GTPBP6: variants seen among roughly 807,000 people sequenced by gnomAD.
GTPBP6 encodes the protein GTP binding protein 6.
A neutral mutation model predicts 28.9 loss-of-function variants in GTPBP6; 33 were observed. That is an observed-to-expected ratio of 1.14 (90% CI 0.87 to 1.53). The LOEUF is 1.53. Among genes scored for constraint, GTPBP6 ranks in the 40% most tolerant of loss-of-function variants. The pLI, the probability that GTPBP6 is intolerant of heterozygous loss-of-function variation, is 0.00. For missense variants in GTPBP6, 507 were observed against 408.3 expected, an observed-to-expected ratio of 1.24 and a Z score of -2.08; for synonymous variants, 231 against 192.7, an observed-to-expected ratio of 1.20 and a Z score of -1.65.
intron 7 of GTPBP6, 29 bp downstream of exon 7, chrX:311,389 GC>G (rs756732081): frequency 8.4e-5 from 130 of 1,542,748 alleles, no homozygotes; most frequent in Non-Finnish European, 9.8e-5. Flanking sequence ...GGGTGTCCGA[GC>G]ACCCGATCCC....
rs1233201215 is a variant in GTPBP6, at chrX:314,491, T to TG, written c.690-275_690-274insC. Among the ~76,000 whole-genome samples the TG allele has an allele frequency of 9.4e-4, 141 of 149,960 alleles. 1 individual carries two copies. The highest frequency in any genetic ancestry group is 3.1e-3 in the Admixed American group (47 of 15,096). On this transcript the variant is annotated intron_variant, in intron 4 of 9. Transcript: ENST00000326153. ...TGCTTTTCTTCTTTTTTTTTTTTTT[T>TG]AGACGGAGTCTCGCTCTGTCACCCA...
chrX:312,152 CAGG>C (rs759117476), intron 6 of GTPBP6: 808 of 461,556 alleles, frequency 1.8e-3, no homozygotes, highest in Non-Finnish European at 2.8e-3. Context: ...CCAGTGTAGA[CAGG>C]AGGACGGTGC....
exon 9 of GTPBP6, chrX:307,410 C>T (rs201877240): frequency 3.3e-4 from 540 of 1,612,468 alleles, no homozygotes; most frequent in Middle Eastern, 5.2e-4. Flanking sequence ...TCTGTCTCCC[C>T]GTCGCCTTCA....
At chrX:314,037 G>T (rs2070373613) in intron 5 of GTPBP6, 113 bp downstream of exon 5, 2 of 841,740 alleles carry the variant, frequency 2.4e-6, no homozygotes, top group Non-Finnish European at 4.0e-6. Flanking sequence ...CCAGGAGACG[G>T]AGACCCCAGC....
chrX:305,529 G>A, intron 9 of GTPBP6, among the ~76,000 whole-genome samples: 1 of 151,208 alleles, frequency 6.6e-6, no homozygotes, highest in Middle Eastern at 3.4e-3. Flanking sequence ...CACCGTGTTA[G>A]CCAGGATGGT....
In GTPBP6 at chrX:311,466, C is replaced by G. The variant is rs765760548; in HGVS notation, c.1078G>C (p.Gly360Arg). The change falls in exon 7 of 10, where the codon GGC becomes CGC. Residue 360 changes from glycine to arginine, a missense_variant. Gly to Arg is a moderately radical substitution (Grantham distance 125). Coordinates refer to ENST00000326153, the Ensembl canonical transcript of GTPBP6. ...GTGGCGGAGAAGGACTCGATGAGGC[C>G]GTGCGGCAGCTGGGAGAGGAAGCCG... The G allele has an allele frequency of 3.7e-6, 6 of 1,612,184 alleles. No homozygotes were observed. The East Asian group carries it at 1.1e-4, about 30-fold the overall frequency.
intron 2 of GTPBP6, among the ~76,000 whole-genome samples, 174 bp from the exon 3 acceptor site, chrX:315,473 T>A (rs1232021442): frequency 6.6e-6 from 1 of 151,364 alleles, no homozygotes; most frequent in African/African-American, 2.4e-5. Context: ...GGGGTGTGTC[T>A]CTAGGAGTGT....
At chrX:314,019 A>T in intron 5 of GTPBP6, 131 bp downstream of exon 5, 1 of 784,368 alleles carries the variant, frequency 1.3e-6, no homozygotes, top group Non-Finnish European at 2.2e-6. Context: ...CTATGTCCTC[A>T]AATGCTACCA....
chrX:313,252 C>T (rs2070352649), intron 5 of GTPBP6, among the ~76,000 whole-genome samples: 1 of 152,222 alleles, frequency 6.6e-6, no homozygotes, highest in South Asian at 2.1e-4. Context: ...CTCAGTGGGG[C>T]CCCTTTCACA....
In GTPBP6 at chrX:311,281, T is replaced by C. The variant is rs769273411; in HGVS notation, c.1125+138A>G. On this transcript the variant is annotated intron_variant, in intron 7 of 9. Coordinates refer to ENST00000326153, the Ensembl canonical transcript of GTPBP6. ...GTGTCCGAGGGCCTGGCCCCTGGGC[T>C]GAGTGGGTGTCCGAGGGCCCGGCCC... 3,342 of 308,234 alleles carry C rather than the reference T, an allele frequency of 0.011. 285 individuals are homozygous for C. The African/African-American group carries it at 0.12, about 11-fold the overall frequency. The allele number at this position is 308,234 out of a possible 1,614,324, so 19.1% of individuals were successfully genotyped here.
At chrX:318,350 GAAT>G (rs2070478825) in intron 1 of GTPBP6, 86 bp downstream of exon 1, 1 of 380,558 alleles carries the variant, frequency 2.6e-6, no homozygotes, top group African/African-American at 2.3e-5. Context: ...CCCCGCCCCT[GAAT>G]CTCCACCTAT....
chrX:306,888 C>T (rs57003170), intron 9 of GTPBP6, among the ~76,000 whole-genome samples: 1 of 77,554 alleles, frequency 1.3e-5, no homozygotes, highest in Non-Finnish European at 2.8e-5. Context: ...CAGAAATGTA[C>T]ATTTTGACTG....
chrX:310,926 CACGA>C (rs1569349647), intron 7 of GTPBP6, among the ~76,000 whole-genome samples: 1 of 130,602 alleles, frequency 7.7e-6, no homozygotes, highest in African/African-American at 2.7e-5. Context: ...ACGTCTGTGA[CACGA>C]ACGGTCACTC....
Position 308,896 on chromosome X carries a change from T to C in GTPBP6, c.1126-1016A>G, listed in dbSNP as rs755660051. ...GACTACAGGCACCCGCCACCATGCC[T>C]GGCTAATTTTTTATATTTTTAGTAG... On this transcript the variant is annotated intron_variant, in intron 7 of 9. Transcript: ENST00000326153. 5.3e-3 allele frequency among the ~76,000 whole-genome samples: 807 copies of C among 151,850 alleles called. 5 individuals are homozygous for C. The highest frequency in any genetic ancestry group is 0.017 in the Middle Eastern group (5 of 294).
exon 7 of GTPBP6, chrX:311,576 C>A: frequency 6.2e-7 from 1 of 1,612,398 alleles, no homozygotes; most frequent in Non-Finnish European, 8.5e-7. Context: ...CAGCTGGTCC[C>A]GTGGCTGGAT....
intron 4 of GTPBP6, among the ~76,000 whole-genome samples, chrX:314,507 C>T (rs1277002104): frequency 2.2e-5 from 3 of 137,840 alleles, no homozygotes; most frequent in Non-Finnish European, 3.3e-5. Context: ...GAGTCTCGCT[C>T]TGTCACCCAG....
chrX:312,772 T>G (rs1449749613), exon 6 of GTPBP6: 2 of 1,611,398 alleles, frequency 1.2e-6, no homozygotes, highest in Admixed American at 3.3e-5. Flanking sequence ...TCACCGCAGT[T>G]GGTGTACCCC....
exon 4 of GTPBP6, chrX:314,942 G>A (rs1485342062): frequency 9.8e-5 from 39 of 398,620 alleles, no homozygotes; most frequent in Admixed American, 1.3e-4. Context: ...TCCTTCGTGC[G>A]GGCGTTACAG....
At chrX:311,262 G>A (rs1185822797) in intron 7 of GTPBP6, among the ~76,000 whole-genome samples, 157 bp downstream of exon 7, 4 of 84,342 alleles carry the variant, frequency 4.7e-5, no homozygotes, top group Non-Finnish European at 1.0e-4. Flanking sequence ...GTGGGTGTCC[G>A]AGGGCCTGGC....
Sources: gnomAD v4.1 joint callset for allele counts (sites outside exome capture counted in the v4.1 genomes callset) on GRCh38, gnomAD v4.1.1 for gene constraint, MANE v1.5 for transcripts, NCBI Gene and HGNC (gene_info 2026-07-23, HGNC 2026-07-21) for gene names.